Variants in LCORL observed in about 807,000 individuals in gnomAD.
LCORL encodes the protein ligand-dependent nuclear receptor corepressor-like protein.
Under a neutral mutation model 141.8 loss-of-function variants are expected in LCORL, and 41 were observed. The ratio of observed to expected loss-of-function variants is 0.29; its 90% CI spans 0.23 to 0.38. LCORL has a LOEUF of 0.38. Ranked by LOEUF, LCORL falls within the 10% of genes least tolerant of loss-of-function variation. The pLI is 1.00. For missense variants in LCORL, 1,759 were observed against 2,035.0 expected, an observed-to-expected ratio of 0.86 and a Z score of 2.61; for synonymous variants, 618 against 694.1, an observed-to-expected ratio of 0.89 and a Z score of 1.72.
At chr4:17,994,773 TA>T (rs1410150749) in intron 1 of LCORL, among the ~76,000 whole-genome samples, 8 of 145,794 alleles carry the variant, frequency 5.5e-5, no homozygotes, top group Non-Finnish European at 8.9e-5. Context: ...AGGGGAGTAA[TA>T]GGGAAAAAAA....
exon 7 of LCORL, chr4:17,876,404 T>C (rs1019653698): frequency 1.6e-6 from 2 of 1,230,792 alleles, no homozygotes; most frequent in Non-Finnish European, 2.0e-6. Context: ...ATTTCTTGGA[T>C]GCTTTATATC....
In LCORL at chr4:17,884,014, A is replaced by G; in HGVS notation, c.776+2054T>C. The G allele has an allele frequency of 6.4e-7, 1 of 1,550,798 alleles. No homozygotes were observed. Among genetic ancestry groups the G allele is most frequent in the South Asian group, 1.2e-5 (1 of 84,014 alleles). On this transcript the variant is annotated intron_variant, in intron 6 of 7. Coordinates refer to ENST00000635767, the Ensembl canonical transcript of LCORL. The surrounding 1 kb of genome is among the most constrained non-coding windows in gnomAD (Gnocchi z 4.4). ...GCTTACTGTCTTTTCGATCTAATCCATCTTCAGTATTTTCAGAGGTTCCAT... is the reference window on the plus strand; with the variant it reads ...GCTTACTGTCTTTTCGATCTAATCCGTCTTCAGTATTTTCAGAGGTTCCAT...
intron 3 of LCORL, among the ~76,000 whole-genome samples, chr4:17,962,277 T>C (rs774937912): frequency 2.4e-4 from 36 of 150,974 alleles, no homozygotes; most frequent in Non-Finnish European, 4.0e-4. Flanking sequence ...AAAGAGCATA[T>C]GAAACATACT....
chr4:17,979,309 C>T (rs551190526), intron 1 of LCORL, among the ~76,000 whole-genome samples: 17 of 152,180 alleles, frequency 1.1e-4, no homozygotes, highest in Non-Finnish European at 2.4e-4. Flanking sequence ...TTTGTGCTCC[C>T]TGTTTTCCAC....
intron 7 of LCORL, among the ~76,000 whole-genome samples, chr4:17,864,145 T>A (rs531946084): frequency 9.9e-5 from 15 of 152,180 alleles, no homozygotes; most frequent in Middle Eastern, 6.8e-3. Context: ...AAAAAAAAAT[T>A]TTTGGCTACC....
chr4:17,967,541 G>T (rs1230248906), intron 2 of LCORL, among the ~76,000 whole-genome samples: 1 of 151,986 alleles, frequency 6.6e-6, no homozygotes, highest in Non-Finnish European at 1.5e-5. Flanking sequence ...ATTTAAAATT[G>T]CTCTAAAATA....
intron 4 of LCORL, among the ~76,000 whole-genome samples, chr4:17,930,744 T>C (rs1332957647): frequency 3.9e-5 from 6 of 152,222 alleles, no homozygotes; most frequent in African/African-American, 9.6e-5. Context: ...GTATGTATGA[T>C]TAGTCCTTAG....
chr4:18,003,298 G>C (rs532349879), intron 1 of LCORL, among the ~76,000 whole-genome samples: 1 of 152,308 alleles, frequency 6.6e-6, no homozygotes, highest in Admixed American at 6.5e-5. Flanking sequence ...GGTAAGAAAT[G>C]AGGCTGACTT....
intron 1 of LCORL, among the ~76,000 whole-genome samples, chr4:17,984,817 G>A (rs1280693391): frequency 1.3e-5 from 2 of 152,014 alleles, no homozygotes; most frequent in Non-Finnish European, 2.9e-5. Flanking sequence ...GGGTTAGTTT[G>A]CTCTTGCTTC....
intron 4 of LCORL, among the ~76,000 whole-genome samples, chr4:17,945,257 TA>T (rs1490267555): frequency 6.6e-6 from 1 of 152,052 alleles, no homozygotes; most frequent in Non-Finnish European, 1.5e-5. Flanking sequence ...ACTATTATTA[TA>T]AAAATTACAT....
At chr4:17,932,269 G>T (rs908373879) in intron 4 of LCORL, among the ~76,000 whole-genome samples, 5 of 152,090 alleles carry the variant, frequency 3.3e-5, no homozygotes, top group African/African-American at 1.2e-4. Context: ...GTCCTACAAT[G>T]ACTCATATAT....
chr4:17,997,231 A>C (rs1163629391), intron 1 of LCORL, among the ~76,000 whole-genome samples: 3 of 152,170 alleles, frequency 2.0e-5, no homozygotes, highest in Admixed American at 2.0e-4. Context: ...ATGATGTCTC[A>C]ACGCCTTCTC....
Position 18,021,584 on chromosome 4 carries a change from C to T in LCORL, c.154+14G>A, listed in dbSNP as rs1206469257. On this transcript the variant is annotated intron_variant, in intron 1 of 7. Transcript: ENST00000635767. The surrounding 1 kb of genome is among the most constrained non-coding windows in gnomAD (Gnocchi z 5.5). ...CCGCGCGGAGCCCGGGGCCCCGGCC[C>T]GCGTCTCTCTTACCTACACAGTGCA... The T allele has an allele frequency of 6.6e-7, 1 of 1,516,458 alleles. No individual in the cohort carries two copies. Among genetic ancestry groups the T allele is most frequent in the Admixed American group, 2.2e-5 (1 of 46,230 alleles). 93.9% of individuals were successfully genotyped at this position (1,516,458 alleles called of 1,614,324 possible).
intron 4 of LCORL, among the ~76,000 whole-genome samples, chr4:17,930,632 T>C (rs1735869207): frequency 6.6e-6 from 1 of 152,224 alleles, no homozygotes; most frequent in South Asian, 2.1e-4. Context: ...ACTTTTGCAT[T>C]AATGGAATAA....
At chr4:17,874,789 C>T in exon 7 of LCORL, 2 of 1,233,768 alleles carry the variant, frequency 1.6e-6, no homozygotes, top group Non-Finnish European at 2.0e-6. Context: ...TTATTATCTT[C>T]CAAACACTTT....
At chr4:17,880,458 C>T in intron 6 of LCORL, 2 of 932,208 alleles carry the variant, frequency 2.1e-6, no homozygotes, top group South Asian at 5.0e-5. Flanking sequence ...ATAAACCAAA[C>T]ATACTGCCTA....
chr4:17,912,034 TG>T, intron 4 of LCORL: 1 of 662,094 alleles, frequency 1.5e-6, no homozygotes. Flanking sequence ...GACCAAAATC[TG>T]GGGGCACCTG....
chr4:17,983,467 T>C (rs1718381042), intron 1 of LCORL, among the ~76,000 whole-genome samples: 1 of 152,170 alleles, frequency 6.6e-6, no homozygotes, highest in African/African-American at 2.4e-5. Flanking sequence ...ATTCTCATTG[T>C]AGAGATGTTT....
intron 4 of LCORL, among the ~76,000 whole-genome samples, chr4:17,914,612 T>C (rs1366365484): frequency 6.6e-6 from 1 of 152,208 alleles, no homozygotes; most frequent in Non-Finnish European, 1.5e-5. Context: ...AGTCAGCCTC[T>C]TAAATCACTT....
Sources: allele counts gnomAD v4.1 joint callset (sites outside exome capture counted in the v4.1 genomes callset), GRCh38; gene constraint gnomAD v4.1.1; non-coding constraint Gnocchi (gnomAD v3.1); transcripts MANE v1.5; gene names NCBI Gene and HGNC (gene_info 2026-07-23, HGNC 2026-07-21).